Variants in KCTD10 observed in about 807,000 individuals in gnomAD.
KCTD10 encodes potassium channel tetramerization domain containing 10.
Under a neutral mutation model 34.6 loss-of-function variants are expected in KCTD10, and 13 were observed. The ratio of observed to expected loss-of-function variants is 0.38; its 90% confidence interval spans 0.24 to 0.60. The LOEUF (loss-of-function observed/expected upper bound fraction) is 0.60. Among genes scored for constraint, KCTD10 ranks in the 20% least tolerant of loss-of-function variants. KCTD10 has a pLI of 0.66. For missense variants in KCTD10, 256 were observed against 420.3 expected, an observed-to-expected ratio of 0.61 and a Z score of 3.42; for synonymous variants, 156 against 168.8, an observed-to-expected ratio of 0.92 and a Z score of 0.59.
At chr12:109,470,038 A>C (rs1245073203) in intron 1 of KCTD10, 2 of 1,165,854 alleles carry the variant, frequency 1.7e-6, no homozygotes, top group African/African-American at 1.6e-5. Flanking sequence ...TCATACACTG[A>C]CCCTGCCTGT....
At chr12:109,459,215 T>G (rs1298028675) in intron 3 of KCTD10, 1 of 151,916 alleles carries the variant, frequency 6.6e-6, no homozygotes, top group Non-Finnish European at 1.5e-5. Context: ...AAATGAAAAT[T>G]TTGATAGAAG....
At chr12:109,464,908 T>A (rs555068484) in intron 2 of KCTD10, 253 of 453,670 alleles carry the variant, frequency 5.6e-4, no homozygotes, top group African/African-American at 4.7e-3. Context: ...AAGTAGAAGA[T>A]GCTGTCCCAA....
At chr12:109,471,012 T>C in intron 1 of KCTD10, 1 of 581,982 alleles carries the variant, frequency 1.7e-6, no homozygotes, top group Non-Finnish European at 2.2e-6. Flanking sequence ...CCACAGTTCT[T>C]CCCCACCCCA....
At position 109,450,210 on chromosome 12, in the gene KCTD10, A is replaced by ACTACT. The variant is rs1237959782; in HGVS notation, c.*1380_*1384dup. The ACTACT allele has an allele frequency of 1.1e-4, 43 of 398,532 alleles. No individual in the cohort carries two copies. Among genetic ancestry groups the ACTACT allele is most frequent in the African/African-American group, 8.6e-4 (42 of 48,628 alleles). 24.7% of individuals were successfully genotyped at this position (398,532 alleles called of 1,614,324 possible). On this transcript the variant is annotated 3_prime_UTR_variant, in exon 7 of 7. Transcript: ENST00000228495. ...TGACGCACATTCACATCTCCTGGTA[A>ACTACT]CTACTCTACCTAGTCTAGTCTCAAC...
intron 1 of KCTD10, chr12:109,471,135 A>G (rs1414047174): frequency 1.0e-6 from 1 of 985,360 alleles, no homozygotes; most frequent in African/African-American, 1.7e-5. Flanking sequence ...CTGAAACTGA[A>G]AAAGAATTGT....
chr12:109,468,975 G>A (rs1370198237), intron 2 of KCTD10: 1 of 152,218 alleles, frequency 6.6e-6, no homozygotes, highest in Non-Finnish European at 1.5e-5. Context: ...TTAATAACAT[G>A]ACTTTCCACA....
chr12:109,471,117 A>G, intron 1 of KCTD10: 3 of 985,440 alleles, frequency 3.0e-6, no homozygotes, highest in Non-Finnish European at 2.4e-6. Flanking sequence ...ACTTGTTTGA[A>G]CTATTCCCTG....
At chr12:109,458,356 C>T (rs1873135961) in intron 3 of KCTD10, 4 of 358,468 alleles carry the variant, frequency 1.1e-5, no homozygotes, top group Non-Finnish European at 2.0e-5. Context: ...CAAAAATAAA[C>T]CCTTGACGTG....
intron 6 of KCTD10, among the ~76,000 whole-genome samples, chr12:109,452,598 C>T (rs1872827364): frequency 6.6e-6 from 1 of 152,216 alleles, no homozygotes; most frequent in Non-Finnish European, 1.5e-5. Flanking sequence ...ACTACAAAGC[C>T]AGAATGGGAT....
intron 2 of KCTD10, among the ~76,000 whole-genome samples, chr12:109,462,306 A>G (rs1437075170): frequency 6.6e-6 from 1 of 152,212 alleles, no homozygotes; most frequent in African/African-American, 2.4e-5. Context: ...TTGTTAAAAG[A>G]ACGGTCTCCA....
chr12:109,460,299 A>G lies in KCTD10; in HGVS notation c.387+337T>C, dbSNP rs1248890795. The stretch of plus-strand genomic sequence containing the variant: ...TAGAGATTATGCTGAGCTCCCAACA[A>G]TGACTTGTGGGACTAGAGTAAGCCC... On this transcript the variant is annotated intron_variant, in intron 3 of 6. Transcript: ENST00000228495. The surrounding 1 kb of genome is among the most constrained non-coding windows in gnomAD (Gnocchi z 4.5). The G allele has an allele frequency of 4.4e-6, 1 of 226,348 alleles. No homozygotes were observed. Among genetic ancestry groups the G allele is most frequent in the Non-Finnish European group, 8.7e-6 (1 of 114,392 alleles). 14.0% of individuals were successfully genotyped at this position (226,348 alleles called of 1,614,324 possible).
At chr12:109,456,892 C>T (rs1873046410) in intron 5 of KCTD10, 2 of 158,000 alleles carry the variant, frequency 1.3e-5, no homozygotes, top group South Asian at 3.7e-4. Flanking sequence ...ATAGAATTAC[C>T]ACATGACCCA....
intron 3 of KCTD10, chr12:109,458,900 A>C (rs1414177262): frequency 1.3e-5 from 2 of 152,262 alleles, no homozygotes; most frequent in African/African-American, 4.8e-5. Context: ...ATCACCCACA[A>C]TGCAGCCCAG....
chr12:109,451,595 TC>T lies in KCTD10; in HGVS notation c.941del (p.Ter314=), dbSNP rs758663565. On this transcript the variant is annotated frameshift_variant and stop_lost, in exon 7 of 7. Transcript: ENST00000228495. LOFTEE classifies it high-confidence loss of function. The surrounding 1 kb of genome is among the most constrained non-coding windows in gnomAD (Gnocchi z 5.0). ...GAGGGCGGCTCGGTCTCTTGCCTGC[TC>T]ACTGGTGGAGGTGGGCCCGGTCATC... is the stretch of plus-strand genomic sequence containing the variant. ...RPDDRAHLHQ[*>X] The T allele has an allele frequency of 2.5e-6, 4 of 1,604,168 alleles. No individual in the cohort carries two copies. In the Admixed American group the frequency reaches 6.7e-5, roughly 27 times the overall value.
At position 109,456,507 on chromosome 12, in the gene KCTD10, A is replaced by G. The variant is rs1225860782; in HGVS notation, c.528-194T>C. On this transcript the variant is annotated intron_variant, in intron 5 of 6. Coordinates refer to ENST00000228495, the MANE Select transcript of KCTD10 (RefSeq NM_031954.5). The stretch of plus-strand genomic sequence containing the variant: ...AAGTGAGGATCAGAGAAATTAGGTA[A>G]TTGCTCAAGGCTGAACCTAATAAAT... 6 of 621,596 alleles carry G rather than the reference A, an allele frequency of 9.7e-6. No homozygotes were observed. In the East Asian group the frequency reaches 1.7e-4, roughly 17 times the overall value. The allele number at this position is 621,596 out of a possible 1,614,324, so 38.5% of individuals were successfully genotyped here.
At chr12:109,470,696 G>T in intron 1 of KCTD10, 1 of 625,646 alleles carries the variant, frequency 1.6e-6, no homozygotes, top group Non-Finnish European at 2.0e-6. Context: ...CTGTGCCCTT[G>T]CGACAAGACA....
chr12:109,458,393 G>C, intron 3 of KCTD10: 1 of 251,306 alleles, frequency 4.0e-6, no homozygotes, highest in South Asian at 8.4e-5. Flanking sequence ...TTAATCAAAA[G>C]CTCCTAAAAC....
rs879776503 is a variant in KCTD10 at position 109,469,890 on chromosome 12, A to C, written c.4-162T>G. On this transcript the variant is annotated intron_variant, in intron 1 of 6. Coordinates refer to ENST00000228495, the MANE Select transcript of KCTD10 (RefSeq NM_031954.5). ...ACAACTAAGGAGAGCTCACAGAAAA[A>C]TCTGGACTTCTGGCTTCTCCTAAAA... The C allele has an allele frequency of 1.3e-5, 18 of 1,394,708 alleles. 1 individual carries two copies. Among genetic ancestry groups the C allele is most frequent in the Admixed American group, 5.6e-5 (2 of 35,478 alleles). The allele number at this position is 1,394,708 out of a possible 1,614,324, so 86.4% of individuals were successfully genotyped here.
In KCTD10 at chr12:109,460,488, G is replaced by T. The variant is rs145376812; in HGVS notation, c.387+148C>A. ...AGGCCTCTCAGGGGTCACTCCAACCGAAGGAATCGGGCTCCAGGGCAAACT... is the reference window on the plus strand; with the variant it reads ...AGGCCTCTCAGGGGTCACTCCAACCTAAGGAATCGGGCTCCAGGGCAAACT... On this transcript the variant is annotated intron_variant, in intron 3 of 6. Coordinates refer to ENST00000228495, the MANE Select transcript of KCTD10 (RefSeq NM_031954.5). The surrounding 1 kb of genome is among the most constrained non-coding windows in gnomAD (Gnocchi z 4.5). 3.1e-5 allele frequency: 25 copies of T among 815,984 alleles called. No individual in the cohort carries two copies. Among genetic ancestry groups the T allele is most frequent in the Non-Finnish European group, 4.4e-5 (23 of 526,012 alleles). The allele number at this position is 815,984 out of a possible 1,614,324, so 50.5% of individuals were successfully genotyped here. A position where few individuals can be genotyped will look rare whatever the true frequency, so the allele number is the denominator to read the frequency against.
Sources: allele counts gnomAD v4.1 joint callset (sites outside exome capture counted in the v4.1 genomes callset), GRCh38; gene constraint gnomAD v4.1.1; non-coding constraint Gnocchi (gnomAD v3.1); transcripts MANE v1.5; gene names NCBI Gene and HGNC (gene_info 2026-07-23, HGNC 2026-07-21).